Variants in VSTM4 observed in about 807,000 individuals in gnomAD.
VSTM4 encodes the protein V-set and transmembrane domain containing 4, also known as V-set and transmembrane domain-containing protein 4.
Under a neutral mutation model 36.4 loss-of-function variants are expected in VSTM4, and 20 were observed. The observed-to-expected ratio is 0.55, with a 90% CI of 0.39 to 0.80. The LOEUF is 0.80. VSTM4 is among the 30% of genes least tolerant of loss of function. The pLI, the probability that VSTM4 is intolerant of heterozygous loss-of-function variation, is 0.00. For synonymous variants in VSTM4, 182 were observed against 173.9 expected, an observed-to-expected ratio of 1.05 and a Z score of -0.37; for missense variants, 392 against 404.5, an observed-to-expected ratio of 0.97 and a Z score of 0.26.
At chr10:49,052,940 C>T (rs2131965398) in intron 5 of VSTM4, among the ~76,000 whole-genome samples, 1 of 152,312 alleles carries the variant, frequency 6.6e-6, no homozygotes, top group East Asian at 1.9e-4. Flanking sequence ...TGAATCACCA[C>T]ATTGACATAG....
At chr10:49,080,358 C>T (rs73302712) in intron 3 of VSTM4, among the ~76,000 whole-genome samples, 2,653 of 152,336 alleles carry the variant, frequency 0.017, 49 homozygotes, top group African/African-American at 0.046. Flanking sequence ...TGGAATCAGA[C>T]ATTCAGGTTC....
chr10:49,071,481 A>G (rs1424305647), intron 4 of VSTM4, among the ~76,000 whole-genome samples: 1 of 152,192 alleles, frequency 6.6e-6, no homozygotes, highest in Non-Finnish European at 1.5e-5. Flanking sequence ...AAGGGGAAAC[A>G]TGTTTGTGCT....
rs1482445289 is a variant in VSTM4 at position 49,016,988 on chromosome 10, T to A, written c.*2662A>T. On this transcript the variant is annotated 3_prime_UTR_variant, in exon 8 of 8. Transcript: ENST00000332853. The stretch of plus-strand genomic sequence containing the variant: ...GCACTCTAACCAATGGGTTCATACT[T>A]CTTTTAGCTTCATTTAAACATTTAA... 2 of 152,310 alleles carry A rather than the reference T, an allele frequency of 1.3e-5. No homozygotes were observed. The highest frequency in any genetic ancestry group is 3.8e-4 in the East Asian group (2 of 5,206). The allele number at this position is 152,310 out of a possible 1,614,324, so 9.4% of individuals were successfully genotyped here.
chr10:49,075,210 C>A (rs1844154597), intron 4 of VSTM4, among the ~76,000 whole-genome samples: 1 of 152,238 alleles, frequency 6.6e-6, no homozygotes, highest in African/African-American at 2.4e-5. Flanking sequence ...GCACATGTCC[C>A]AGTCTGCCCT....
chr10:49,060,621 A>G (rs1310737932), intron 5 of VSTM4, among the ~76,000 whole-genome samples: 2 of 152,102 alleles, frequency 1.3e-5, no homozygotes, highest in Admixed American at 6.5e-5. Flanking sequence ...CGGTTATCTG[A>G]TTTGCAAATA....
chr10:49,079,610 A>C lies in VSTM4; in HGVS notation c.527-2284T>G, dbSNP rs139830941. Among the ~76,000 whole-genome samples the C allele has an allele frequency of 2.8e-3, 425 of 152,330 alleles. 4 individuals are homozygous for C. The highest frequency in any genetic ancestry group is 1.0e-2 in the African/African-American group (414 of 41,570). Reference sequence around the variant, plus strand: ...CAGTACTTTCCTGAGTCCAAGAAAGATAAAAATGCACACACAAAGGCTTTC... The same window carrying C: ...CAGTACTTTCCTGAGTCCAAGAAAGCTAAAAATGCACACACAAAGGCTTTC... On this transcript the variant is annotated intron_variant, in intron 3 of 7. Transcript: ENST00000332853.
At chr10:49,048,390 T>C in intron 6 of VSTM4, 88 bp downstream of exon 6, 1 of 1,202,488 alleles carries the variant, frequency 8.3e-7, no homozygotes, top group East Asian at 2.6e-5. Context: ...CTGCCTACGC[T>C]CCCTGTCATA....
Position 49,019,514 on chromosome 10 carries a change from C to G in VSTM4, c.*136G>C. 7.7e-7 allele frequency: 1 copy of G among 1,307,100 alleles called. No individual in the cohort carries two copies. 81.0% of individuals were successfully genotyped at this position (1,307,100 alleles called of 1,614,324 possible). ...AGGCTTGTACCTCTTCAAAGGCACC[C>G]AGAATGCTGCTGAAAAGGGGCTCCC... On this transcript the variant is annotated 3_prime_UTR_variant, in exon 8 of 8. Coordinates refer to ENST00000332853, the MANE Select transcript of VSTM4 (RefSeq NM_001031746.5).
At chr10:49,053,272 G>A (rs772955239) in intron 5 of VSTM4, among the ~76,000 whole-genome samples, 7 of 152,314 alleles carry the variant, frequency 4.6e-5, no homozygotes, top group Admixed American at 2.0e-4. Context: ...GCAGGATGTC[G>A]CACGTGCAGA....
chr10:49,071,682 C>A (rs568478790), intron 4 of VSTM4, among the ~76,000 whole-genome samples: 2 of 152,290 alleles, frequency 1.3e-5, no homozygotes, highest in South Asian at 4.1e-4. Context: ...GGGTTGCATC[C>A]GGAGTGGGAC....
chr10:49,080,860 G>A (rs1303331641), intron 3 of VSTM4, among the ~76,000 whole-genome samples: 1 of 152,254 alleles, frequency 6.6e-6, no homozygotes, highest in African/African-American at 2.4e-5. Context: ...GATGGAATGT[G>A]AGGAGCTTGA....
intron 4 of VSTM4, among the ~76,000 whole-genome samples, chr10:49,076,931 T>C (rs1215644155): frequency 6.6e-6 from 1 of 151,706 alleles, no homozygotes; most frequent in East Asian, 1.9e-4. Flanking sequence ...AGAGTCAAAA[T>C]CCAACCCTAG....
chr10:49,085,807 T>C (rs1382388644), intron 3 of VSTM4, 148 bp downstream of exon 3: 1 of 486,204 alleles, frequency 2.1e-6, no homozygotes, highest in Non-Finnish European at 3.7e-6. Flanking sequence ...AGTTAATGGG[T>C]GCAGCACACC....
At chr10:49,030,881 T>C (rs540768403) in intron 7 of VSTM4, among the ~76,000 whole-genome samples, 31 of 152,290 alleles carry the variant, frequency 2.0e-4, no homozygotes, top group African/African-American at 7.2e-4. Flanking sequence ...AACATATGTT[T>C]TGGAAGCTAA....
At position 49,016,456 on chromosome 10, in the gene VSTM4, G is replaced by T. The variant is rs1843106241; in HGVS notation, c.*3194C>A. ...ATGATTTCTTTCTCCCCAGGATTTT[G>T]ATATTCCAGGGGGCCATGTGCATGC... On this transcript the variant is annotated 3_prime_UTR_variant, in exon 8 of 8. Transcript: ENST00000332853. The T allele has an allele frequency of 6.6e-6, 1 of 152,176 alleles. No homozygotes were observed. Among genetic ancestry groups the T allele is most frequent in the Non-Finnish European group, 1.5e-5 (1 of 68,032 alleles). The allele number at this position is 152,176 out of a possible 1,614,324, so 9.4% of individuals were successfully genotyped here.
chr10:49,023,636 A>G (rs887132244), intron 7 of VSTM4, among the ~76,000 whole-genome samples: 3 of 152,204 alleles, frequency 2.0e-5, no homozygotes, highest in Non-Finnish European at 4.4e-5. Context: ...GTTTACTGCT[A>G]TCTTCAGTAG....
intron 5 of VSTM4, among the ~76,000 whole-genome samples, chr10:49,052,947 A>G (rs982078026): frequency 1.3e-5 from 2 of 152,226 alleles, no homozygotes; most frequent in African/African-American, 4.8e-5. Flanking sequence ...CCACATTGAC[A>G]TAGGATAGAC....
chr10:49,098,261 T>C (rs1379777495), intron 2 of VSTM4, among the ~76,000 whole-genome samples: 5 of 152,224 alleles, frequency 3.3e-5, no homozygotes, highest in African/African-American at 1.2e-4. Context: ...AGGGCATTAT[T>C]GTGCACTCCA....
intron 7 of VSTM4, among the ~76,000 whole-genome samples, chr10:49,027,094 C>T (rs1590067757): frequency 6.6e-6 from 1 of 152,148 alleles, no homozygotes; most frequent in African/African-American, 2.4e-5. Flanking sequence ...CCATTGGCGG[C>T]CACACTCTCC....
Sources: gnomAD v4.1 joint callset for allele counts (sites outside exome capture counted in the v4.1 genomes callset) on GRCh38, gnomAD v4.1.1 for gene constraint, MANE v1.5 for transcripts, NCBI Gene and HGNC (gene_info 2026-07-23, HGNC 2026-07-21) for gene names.